The following SMYD3 variants were observed in gnomAD, a reference collection of about 807,000 sequenced individuals.
SMYD3 encodes SET and MYND domain containing 3.
SMYD3 carries 36 observed loss-of-function variants against 57.7 expected under a neutral mutation model. The observed-to-expected ratio is 0.62, with a 90% CI of 0.48 to 0.82. The LOEUF is 0.82. SMYD3 is among the 40% of genes least tolerant of loss of function. The pLI is 0.00. For synonymous variants in SMYD3, 211 were observed against 195.0 expected (o/e 1.08, Z -0.68); for missense variants, 515 against 538.8 (o/e 0.96, Z 0.44).
In SMYD3 at chr1:246,279,247, G is replaced by A. The variant is rs573910979; in HGVS notation, c.531+47954C>T. Among the ~76,000 whole-genome samples the A allele has an allele frequency of 7.2e-5, 11 of 152,288 alleles. No homozygotes were observed. In the South Asian group the frequency reaches 1.2e-3, roughly 17 times the overall value. On this transcript the variant is annotated intron_variant, in intron 5 of 11. Coordinates refer to ENST00000490107, the MANE Select transcript of SMYD3 (RefSeq NM_001167740.2). ...GTAAGATTGTTGAGACCAGCCGGGC[G>A]CGGTGGCTCACACCTGTAATCCCAG...
intron 10 of SMYD3, among the ~76,000 whole-genome samples, chr1:245,843,838 T>C (rs1193188784): frequency 6.6e-6 from 1 of 152,186 alleles, no homozygotes; most frequent in Non-Finnish European, 1.5e-5. Flanking sequence ...AAAGAAGTTT[T>C]GGAGGATTTT....
intron 1 of SMYD3, among the ~76,000 whole-genome samples, chr1:246,432,363 T>C (rs1306657718): frequency 6.6e-6 from 1 of 152,224 alleles, no homozygotes; most frequent in Non-Finnish European, 1.5e-5. Flanking sequence ...AATTAGAAAG[T>C]TAATCATTCC....
intron 5 of SMYD3, among the ~76,000 whole-genome samples, chr1:246,214,541 A>G (rs1394276011): frequency 1.3e-5 from 2 of 152,204 alleles, no homozygotes; most frequent in Non-Finnish European, 2.9e-5. Flanking sequence ...TTTAAAATAA[A>G]AACCAAGGAA....
chr1:246,062,293 T>C (rs756894771), intron 5 of SMYD3, among the ~76,000 whole-genome samples: 155 of 152,244 alleles, frequency 1.0e-3, no homozygotes, highest in Non-Finnish European at 1.3e-3. Context: ...ATCTTTATAG[T>C]CTACCATTTG....
At chr1:246,178,778 A>G (rs994387191) in intron 5 of SMYD3, 3 of 152,064 alleles carry the variant, frequency 2.0e-5, no homozygotes, top group East Asian at 1.9e-4. Context: ...GCCTGTAGCC[A>G]TGTTCTACGC....
At chr1:245,853,560 G>A (rs549580700) in intron 10 of SMYD3, among the ~76,000 whole-genome samples, 2 of 152,248 alleles carry the variant, frequency 1.3e-5, no homozygotes, top group African/African-American at 2.4e-5. Context: ...ACATGTACCC[G>A]GCAAGCTCTG....
chr1:246,186,239 T>C (rs1389641293), intron 5 of SMYD3, among the ~76,000 whole-genome samples: 4 of 152,330 alleles, frequency 2.6e-5, no homozygotes, highest in East Asian at 3.9e-4. Context: ...TTTAAAAGAA[T>C]TCAAAGAAGA....
chr1:246,504,478 A>G (rs1320764841), intron 1 of SMYD3, among the ~76,000 whole-genome samples: 1 of 152,260 alleles, frequency 6.6e-6, no homozygotes, highest in African/African-American at 2.4e-5. Context: ...ACCTAAACAC[A>G]GAAAAAGTAC....
chr1:246,164,910 C>G (rs1011150170), intron 5 of SMYD3, among the ~76,000 whole-genome samples: 1 of 152,204 alleles, frequency 6.6e-6, no homozygotes, highest in African/African-American at 2.4e-5. Flanking sequence ...AACTAAAACA[C>G]AAGCTAACTT....
chr1:246,352,470 A>C (rs1223272188), intron 2 of SMYD3, among the ~76,000 whole-genome samples: 1 of 152,260 alleles, frequency 6.6e-6, no homozygotes, highest in Non-Finnish European at 1.5e-5. Context: ...CACAATAATT[A>C]CAATGTTTAA....
At chr1:246,109,097 G>C (rs1374378308) in intron 5 of SMYD3, among the ~76,000 whole-genome samples, 1 of 152,076 alleles carries the variant, frequency 6.6e-6, no homozygotes, top group Non-Finnish European at 1.5e-5. Context: ...CTGGAGTTCA[G>C]GGACCATTTC....
chr1:246,054,778 T>C (rs1345826187), intron 5 of SMYD3, among the ~76,000 whole-genome samples: 2 of 147,826 alleles, frequency 1.4e-5, no homozygotes, highest in East Asian at 2.1e-4. Flanking sequence ...GCCATTTTTA[T>C]GCACATAAAA....
chr1:246,427,438 T>C (rs1243283948), intron 1 of SMYD3, among the ~76,000 whole-genome samples: 2 of 148,346 alleles, frequency 1.3e-5, no homozygotes, highest in African/African-American at 4.9e-5. Context: ...GAGAATGGCG[T>C]GAACCCGGGA....
At chr1:246,126,822 T>C (rs2061516973) in intron 5 of SMYD3, among the ~76,000 whole-genome samples, 1 of 152,214 alleles carries the variant, frequency 6.6e-6, no homozygotes, top group African/African-American at 2.4e-5. Context: ...AGTCAACAAG[T>C]AAGCATTTAC....
chr1:245,750,934 C>A (rs1192396330), intron 11 of SMYD3, among the ~76,000 whole-genome samples: 2 of 152,180 alleles, frequency 1.3e-5, no homozygotes, highest in Admixed American at 6.5e-5. Flanking sequence ...CCAGACCCTG[C>A]ACATCAACAG....
intron 5 of SMYD3, among the ~76,000 whole-genome samples, chr1:245,974,059 T>A (rs1250161323): frequency 6.6e-6 from 1 of 152,100 alleles, no homozygotes. Context: ...CTGCCCTTCC[T>A]CCAGACCCTG....
At chr1:246,226,788 A>G (rs2878079) in intron 5 of SMYD3, among the ~76,000 whole-genome samples, 40,556 of 152,102 alleles carry the variant, frequency 0.27, 6,101 homozygotes, top group East Asian at 0.58. Context: ...AAGTGGAGAT[A>G]TGCAAGTACT....
intron 8 of SMYD3, among the ~76,000 whole-genome samples, chr1:245,907,920 G>C (rs762361978): frequency 6.6e-6 from 1 of 152,028 alleles, no homozygotes; most frequent in East Asian, 1.9e-4. Flanking sequence ...GGCAGATCAC[G>C]AGGTCAGGAG....
At chr1:245,875,165 A>G (rs2052421285) in intron 8 of SMYD3, among the ~76,000 whole-genome samples, 1 of 152,230 alleles carries the variant, frequency 6.6e-6, no homozygotes, top group Non-Finnish European at 1.5e-5. Context: ...TTGTAATGTC[A>G]AAGATAAAAG....
Sources: gnomAD v4.1 joint callset for allele counts (sites outside exome capture counted in the v4.1 genomes callset) on GRCh38, gnomAD v4.1.1 for gene constraint, MANE v1.5 for transcripts, NCBI Gene and HGNC (gene_info 2026-07-23, HGNC 2026-07-21) for gene names.